GNAT3: variants seen among roughly 807,000 people sequenced by gnomAD.
The protein encoded by GNAT3 is G protein subunit alpha transducin 3.
Under a neutral mutation model 37.7 loss-of-function variants are expected in GNAT3, and 31 were observed. The observed-to-expected ratio is 0.82, with a 90% CI of 0.62 to 1.11. The LOEUF (loss-of-function observed/expected upper bound fraction) is 1.11. Among genes scored for constraint, GNAT3 ranks in the 50% most tolerant of loss-of-function variants. The pLI is 0.00. For synonymous variants in GNAT3, 138 were observed against 139.8 expected, an observed-to-expected ratio of 0.99 and a Z score of 0.09; for missense variants, 437 against 412.5, an observed-to-expected ratio of 1.06 and a Z score of -0.51.
At chr7:80,463,142 C>T (rs1361213285) in intron 5 of GNAT3, among the ~76,000 whole-genome samples, 3 of 151,982 alleles carry the variant, frequency 2.0e-5, no homozygotes, top group African/African-American at 4.8e-5. Flanking sequence ...TCCCTATCTT[C>T]GAAGAACGTT....
At chr7:80,489,756 T>C (rs573662881) in intron 2 of GNAT3, among the ~76,000 whole-genome samples, 9 of 152,076 alleles carry the variant, frequency 5.9e-5, no homozygotes, top group African/African-American at 9.7e-5. Flanking sequence ...AGACAAAGGC[T>C]GTAGAAAAAA....
chr7:80,482,123 T>G (rs1426404467), intron 3 of GNAT3, among the ~76,000 whole-genome samples: 2 of 152,270 alleles, frequency 1.3e-5, no homozygotes, highest in East Asian at 3.9e-4. Context: ...AAAATAAATC[T>G]CTTCAAGTAT....
chr7:80,506,754 T>C lies in GNAT3; in HGVS notation c.118+5055A>G, dbSNP rs141403715. 2.0e-3 allele frequency among the ~76,000 whole-genome samples: 300 copies of C among 152,304 alleles called. 1 individual carries two copies. The highest frequency in any genetic ancestry group is 6.5e-3 in the African/African-American group (270 of 41,594). On this transcript the variant is annotated intron_variant, in intron 1 of 7. Coordinates refer to ENST00000398291, the MANE Select transcript of GNAT3 (RefSeq NM_001102386.3). ...AAATAAATAATTTGTTTATTTAAAT[T>C]GACAGAGAAAATGGTATGTATTTGT...
intron 5 of GNAT3, among the ~76,000 whole-genome samples, chr7:80,472,467 TTAATCA>T (rs1790236957): frequency 1.3e-5 from 2 of 152,148 alleles, no homozygotes; most frequent in Admixed American, 6.6e-5. Context: ...ATTTTGGAAC[TTAATCA>T]TAAGAAGGAG....
At chr7:80,489,432 A>G (rs1054685879) in intron 2 of GNAT3, among the ~76,000 whole-genome samples, 1 of 151,722 alleles carries the variant, frequency 6.6e-6, no homozygotes, top group African/African-American at 2.4e-5. Flanking sequence ...ATTTTCTCTT[A>G]TTGTCTTGAA....
intron 3 of GNAT3, among the ~76,000 whole-genome samples, chr7:80,482,129 A>G (rs1790401479): frequency 6.6e-6 from 1 of 152,156 alleles, no homozygotes; most frequent in African/African-American, 2.4e-5. Context: ...AATCTCTTCA[A>G]GTATTTTACG....
chr7:80,481,442 C>CA (rs1241815819), intron 3 of GNAT3, among the ~76,000 whole-genome samples: 3 of 152,154 alleles, frequency 2.0e-5, no homozygotes, highest in Non-Finnish European at 2.9e-5. Flanking sequence ...CCCGCATTAA[C>CA]ATTGAAACAG....
intron 1 of GNAT3, among the ~76,000 whole-genome samples, chr7:80,510,901 A>T (rs10954212): frequency 6.6e-6 from 1 of 151,938 alleles, no homozygotes; most frequent in Non-Finnish European, 1.5e-5. Flanking sequence ...TGAAATATGC[A>T]CGATTCTGAA....
At chr7:80,477,853 C>T (rs909450608) in intron 4 of GNAT3, among the ~76,000 whole-genome samples, 5 of 152,124 alleles carry the variant, frequency 3.3e-5, no homozygotes, top group Admixed American at 6.6e-5. Context: ...TACATATGCA[C>T]ACATCTTGCA....
Position 80,494,654 on chromosome 7 carries a change from C to T in GNAT3, c.119-7G>A, listed in dbSNP as rs535013635. The T allele has an allele frequency of 6.0e-6, 9 of 1,490,136 alleles. No homozygotes were observed. The East Asian group carries it at 1.9e-4, about 31-fold the overall frequency. The allele number at this position is 1,490,136 out of a possible 1,614,324, so 92.3% of individuals were successfully genotyped here. ...TTCCCAGATTCTCCTGCTCCTGCAA[C>T]ATAAAAAGAGGAATATTATTAACTG... On this transcript the variant is annotated splice_region_variant and splice_polypyrimidine_tract_variant and intron_variant, in intron 1 of 7. Coordinates refer to ENST00000398291, the MANE Select transcript of GNAT3 (RefSeq NM_001102386.3).
chr7:80,497,989 C>T (rs1317583369), intron 1 of GNAT3, among the ~76,000 whole-genome samples: 1 of 151,974 alleles, frequency 6.6e-6, no homozygotes, highest in Non-Finnish European at 1.5e-5. Flanking sequence ...ATTGTATCAG[C>T]ATATGTATTA....
rs1226072985 is a variant in GNAT3 at position 80,511,862 on chromosome 7, T to A, written c.65A>T (p.Lys22Met). Residue 22 changes from lysine (K) to methionine (M), a missense_variant, in exon 1 of 8, where the codon AAG (lysine) becomes ATG (methionine). Transcript: ENST00000398291. ...SAKRSKELEKKLQEDAERDAR... is the reference protein window; with the variant it reads ...SAKRSKELEKMLQEDAERDAR... Reference sequence around the variant, plus strand: ...ATCTCGCTCAGCATCCTCCTGAAGCTTTTTCTCCAGTTCTTTTGATCTTTT... The same window carrying A: ...ATCTCGCTCAGCATCCTCCTGAAGCATTTTCTCCAGTTCTTTTGATCTTTT... The A allele has an allele frequency of 1.2e-6, 2 of 1,612,218 alleles. No individual in the cohort carries two copies. The highest frequency in any genetic ancestry group is 1.1e-5 in the South Asian group (1 of 90,868).
chr7:80,480,239 T>C (rs561743013), intron 3 of GNAT3, among the ~76,000 whole-genome samples: 6 of 152,216 alleles, frequency 3.9e-5, no homozygotes, highest in Non-Finnish European at 7.4e-5. Context: ...GTGCATATTA[T>C]TACAATTTAC....
At chr7:80,479,433 G>A (rs1029409655) in intron 3 of GNAT3, among the ~76,000 whole-genome samples, 9 of 151,746 alleles carry the variant, frequency 5.9e-5, no homozygotes, top group Non-Finnish European at 1.2e-4. Context: ...GTAAAAATTA[G>A]AGTAGACCGG....
chr7:80,488,445 T>C, intron 3 of GNAT3, 90 bp downstream of exon 3: 1 of 906,754 alleles, frequency 1.1e-6, no homozygotes, highest in Non-Finnish European at 1.6e-6. Context: ...ATTTTGGATA[T>C]AGATTAATAC....
At chr7:80,489,884 G>A (rs575410114) in intron 2 of GNAT3, among the ~76,000 whole-genome samples, 1 of 152,172 alleles carries the variant, frequency 6.6e-6, no homozygotes, top group East Asian at 1.9e-4. Context: ...ATAAACATGA[G>A]GCACTTAGGT....
intron 5 of GNAT3, among the ~76,000 whole-genome samples, chr7:80,473,611 G>C (rs1357231907): frequency 6.6e-6 from 1 of 151,964 alleles, no homozygotes; most frequent in Non-Finnish European, 1.5e-5. Context: ...CATACAAAAA[G>C]GTATTTAAAT....
At chr7:80,505,418 G>A (rs1466929195) in intron 1 of GNAT3, among the ~76,000 whole-genome samples, 2 of 152,118 alleles carry the variant, frequency 1.3e-5, no homozygotes, top group Admixed American at 1.3e-4. Flanking sequence ...CCAGGCTGGA[G>A]TGCAGTGGCA....
At chr7:80,491,673 A>C (rs906009557) in intron 2 of GNAT3, among the ~76,000 whole-genome samples, 1 of 152,186 alleles carries the variant, frequency 6.6e-6, no homozygotes, top group Non-Finnish European at 1.5e-5. Context: ...GGACTTAAGG[A>C]GACTTCAAAT....
Sources: allele counts gnomAD v4.1 joint callset (sites outside exome capture counted in the v4.1 genomes callset), GRCh38; gene constraint gnomAD v4.1.1; transcripts MANE v1.5; gene names NCBI Gene and HGNC (gene_info 2026-07-23, HGNC 2026-07-21).